ZSCAN20: variants seen among roughly 807,000 people sequenced by gnomAD.
ZSCAN20 encodes the protein zinc finger and SCAN domain containing 20.
ZSCAN20 carries 39 observed loss-of-function variants against 97.1 expected under a neutral mutation model. The observed-to-expected ratio is 0.40, with a 90% CI of 0.31 to 0.52. The LOEUF is 0.52. Among genes scored for constraint, ZSCAN20 ranks in the 20% least tolerant of loss-of-function variants. ZSCAN20 has a pLI of 0.49. For missense variants in ZSCAN20, 1,115 were observed against 1,290.4 expected (o/e 0.86, Z 2.08); for synonymous variants, 456 against 467.3 (o/e 0.98, Z 0.31).
At chr1:33,483,556 G>A (rs1652235566) in intron 2 of ZSCAN20, among the ~76,000 whole-genome samples, 1 of 151,740 alleles carries the variant, frequency 6.6e-6, no homozygotes, top group South Asian at 2.1e-4. Context: ...AACTGCACAT[G>A]GCCAGGTGCA....
At chr1:33,473,173 G>T (rs1024145736) in intron 1 of ZSCAN20, among the ~76,000 whole-genome samples, 1 of 152,094 alleles carries the variant, frequency 6.6e-6, no homozygotes, top group African/African-American at 2.4e-5. Flanking sequence ...TGGCTATTGT[G>T]TTCTGCCCCA....
rs201811528 is a variant in ZSCAN20, at chr1:33,493,310, G to A, written c.1568G>A (p.Arg523Gln). 141 of 1,614,154 alleles carry A rather than the reference G, an allele frequency of 8.7e-5. No homozygotes were observed. In the Admixed American group the frequency reaches 1.1e-3, roughly 12 times the overall value. Residue 523 changes from arginine (R) to glutamine (Q), a missense_variant, in exon 7 of 8, where the codon CGG (arginine) becomes CAG (glutamine). This residue lies in a region of ZSCAN20 where 53 missense variants were observed against 94.3 expected (regional missense o/e 0.56). Transcript: ENST00000684572. This position sits in a 1 kb window ranked among gnomAD's most constrained non-coding sequence, Gnocchi z 4.3. ...CAGGTGTACCGGGCCATTGCAGAGC[G>A]GCTGTGTGCTCTGGGCTTCCTGCGG... ...NSQVYRAIAE[R>Q]LCALGFLRTL...
chr1:33,493,116 T>C lies in ZSCAN20; in HGVS notation c.1445-71T>C. 1 of 1,473,410 alleles carries C rather than the reference T, an allele frequency of 6.8e-7. No homozygotes were observed. The highest frequency in any genetic ancestry group is 9.3e-7 in the Non-Finnish European group (1 of 1,074,296). The allele number at this position is 1,473,410 out of a possible 1,614,324, so 91.3% of individuals were successfully genotyped here. ...TGTTCTAGGTATTTTGAAGGGCAGG[T>C]GACTTTATTCTCTGATGACCTAGGC... On this transcript the variant is annotated intron_variant, in intron 6 of 7. Transcript: ENST00000684572. The surrounding 1 kb of genome is among the most constrained non-coding windows in gnomAD (Gnocchi z 4.3).
Position 33,498,614 on chromosome 1 carries a change from G to A in ZSCAN20, c.*3138G>A, listed in dbSNP as rs1385389994. On this transcript the variant is annotated 3_prime_UTR_variant, in exon 8 of 8. Transcript: ENST00000684572. ...GCTAGCGTGATTCTGCTCTTGGGAA[G>A]TAGATTCACTCTGCAGAATGGGTGG... Among the ~76,000 whole-genome samples the A allele has an allele frequency of 6.6e-6, 1 of 152,226 alleles. No homozygotes were observed. The highest frequency in any genetic ancestry group is 2.4e-5 in the African/African-American group (1 of 41,448).
At chr1:33,490,976 T>C (rs763507578) in intron 5 of ZSCAN20, 49 bp from the exon 6 acceptor site, 2 of 1,505,388 alleles carry the variant, frequency 1.3e-6, no homozygotes, top group South Asian at 1.3e-5. Context: ...TGGACAAACA[T>C]GCCGCTCAAC....
At chr1:33,484,179 ACGT>A (rs1652265513) in intron 2 of ZSCAN20, among the ~76,000 whole-genome samples, 1 of 152,140 alleles carries the variant, frequency 6.6e-6, no homozygotes, top group African/African-American at 2.4e-5. Context: ...TTCCCAATCT[ACGT>A]ACCTTTTGTT....
At chr1:33,484,472 G>A (rs1255306084) in intron 2 of ZSCAN20, among the ~76,000 whole-genome samples, 4 of 152,036 alleles carry the variant, frequency 2.6e-5, no homozygotes, top group Non-Finnish European at 5.9e-5. Flanking sequence ...TTTTTTGCCC[G>A]TTGATGTGAT....
rs185354117 is a variant in ZSCAN20, at chr1:33,501,309, A to G, written c.*5833A>G. ...CTGGAGAAGCACAGGTGTCATCTCC[A>G]GGGACCTTTCTCGACCAACTAATTT... On this transcript the variant is annotated 3_prime_UTR_variant, in exon 8 of 8. Coordinates refer to ENST00000684572, the MANE Select transcript of ZSCAN20 (RefSeq NM_001377376.1). Among the ~76,000 whole-genome samples the G allele has an allele frequency of 3.3e-3, 510 of 152,328 alleles. 1 individual carries two copies. The highest frequency in any genetic ancestry group is 6.5e-3 in the Admixed American group (99 of 15,306).
At position 33,493,465 on chromosome 1, in the gene ZSCAN20, G is replaced by T. The variant is rs1652706870; in HGVS notation, c.1723G>T (p.Val575Phe). The change falls in exon 7 of 8, where the codon GTC (valine) becomes TTC (phenylalanine). Residue 575 changes from valine to phenylalanine, a missense_variant. Val to Phe is a conservative substitution (Grantham distance 50). Coordinates refer to ENST00000684572, the MANE Select transcript of ZSCAN20 (RefSeq NM_001377376.1). This position sits in a 1 kb window ranked among gnomAD's most constrained non-coding sequence, Gnocchi z 4.3. ...CTCGCTGATGAGGGCTCGGGCTGCA[G>T]TCAGGGCCATGGGGACTGTCCGAGA... ...LDSLMRARAA[V>F]RAMGTVREAA... 1.2e-6 allele frequency: 2 copies of T among 1,614,116 alleles called. No homozygotes were observed. The highest frequency in any genetic ancestry group is 8.5e-7 in the Non-Finnish European group (1 of 1,180,060).
In ZSCAN20 at chr1:33,494,606, T is replaced by A. The variant is rs1440507039; in HGVS notation, c.2262T>A (p.Asn754Lys). The change falls in exon 8 of 8, where the codon AAT (asparagine) becomes AAA (lysine). Residue 754 changes from asparagine (N) to lysine (K), a missense_variant. By Grantham distance (94) the Asn-to-Lys change is moderately conservative. Coordinates refer to ENST00000684572, the MANE Select transcript of ZSCAN20 (RefSeq NM_001377376.1). The stretch of plus-strand genomic sequence containing the variant: ...ACTTTAGTGACCGCTCTAACCTCAA[T>A]ACCCATCAGAGAATCCACACTGGAG... ...GKNFSDRSNL[N>K]THQRIHTGEK... The A allele has an allele frequency of 1.2e-6, 2 of 1,613,802 alleles. No homozygotes were observed. Among genetic ancestry groups the A allele is most frequent in the Admixed American group, 3.3e-5 (2 of 60,002 alleles).
intron 2 of ZSCAN20, among the ~76,000 whole-genome samples, chr1:33,487,981 A>C (rs902772845): frequency 6.6e-6 from 1 of 152,098 alleles, no homozygotes; most frequent in Non-Finnish European, 1.5e-5. Flanking sequence ...CCTTTTTAAA[A>C]ATTTTATTTT....
chr1:33,480,804 A>G (rs1418669727), intron 2 of ZSCAN20, among the ~76,000 whole-genome samples: 2 of 152,358 alleles, frequency 1.3e-5, no homozygotes, highest in African/African-American at 4.8e-5. Context: ...TATAATGCAT[A>G]ATTTTGCTAT....
chr1:33,478,768 CTTTGGACATGTG>C (rs1335520165), intron 1 of ZSCAN20, among the ~76,000 whole-genome samples: 1 of 152,020 alleles, frequency 6.6e-6, no homozygotes, highest in Non-Finnish European at 1.5e-5. Flanking sequence ...GAAGGTTGGA[CTTTGGACATGTG>C]TAGAAGGGAG....
At chr1:33,488,726 G>A (rs898488948) in intron 3 of ZSCAN20, 75 bp downstream of exon 3, 3 of 1,489,390 alleles carry the variant, frequency 2.0e-6, no homozygotes, top group Admixed American at 4.5e-5. Flanking sequence ...AAGGGTGCAT[G>A]GGGAAGAAGG....
Position 33,491,531 on chromosome 1 carries a change from G to T in ZSCAN20, c.1273G>T (p.Val425Leu), listed in dbSNP as rs769289470. 2 of 1,613,978 alleles carry T rather than the reference G, an allele frequency of 1.2e-6. No individual in the cohort carries two copies. Among genetic ancestry groups the T allele is most frequent in the African/African-American group, 2.7e-5 (2 of 74,930 alleles). The stretch of plus-strand genomic sequence containing the variant: ...AGCCACAGATGGCCCAGGAGAGGCC[G>T]TGGCACTTCCCAGGCTCGGGTATAG... Reference protein sequence around the residue: ...IRATDGPGEAVALPRLGYSDA... With the variant: ...IRATDGPGEALALPRLGYSDA... Residue 425 changes from valine to leucine, a missense_variant, in exon 6 of 8, where the codon GTG (valine) becomes TTG (leucine). Physicochemically the swap from Val to Leu is conservative, Grantham distance 32 (BLOSUM62 1). Coordinates refer to ENST00000684572, the MANE Select transcript of ZSCAN20 (RefSeq NM_001377376.1). The surrounding 1 kb of genome is among the most constrained non-coding windows in gnomAD (Gnocchi z 4.3).
rs750960711 is a variant in ZSCAN20, at chr1:33,488,504, AC to A, written c.458del (p.Thr153LysfsTer26). Reference protein sequence around the residue: ...LHTEETRPLKTGEEAQSFQLQ... With the variant: ...LHTEETRPLKXGEEAQSFQLQ... ...TACAGAAGAGACCAGGCCCTTAAAG[AC>A]AGGGGAAGAAGCTCAGAGCTTCCAG... On this transcript the variant is annotated frameshift_variant, in exon 3 of 8. Transcript: ENST00000684572. LOFTEE classifies it high-confidence loss of function. 1.2e-6 allele frequency: 2 copies of A among 1,614,146 alleles called. No individual in the cohort carries two copies. Among genetic ancestry groups the A allele is most frequent in the South Asian group, 2.2e-5 (2 of 91,078 alleles).
In ZSCAN20 at chr1:33,495,052, A is replaced by G; in HGVS notation, c.2708A>G (p.Tyr903Cys). 1 of 1,613,090 alleles carries G rather than the reference A, an allele frequency of 6.2e-7. No individual in the cohort carries two copies. Among genetic ancestry groups the G allele is most frequent in the Non-Finnish European group, 8.5e-7 (1 of 1,179,288 alleles). ...AGAATCCATACGGGAGAGAAACCAT[A>G]TGAATGTGCCGAATGTGGGAAAAGC... ...HQRIHTGEKP[Y>C]ECAECGKSFS... The change falls in exon 8 of 8, where the codon TAT (tyrosine) becomes TGT (cysteine). Residue 903 changes from tyrosine (Y) to cysteine (C), a missense_variant. Tyr to Cys is a radical substitution (Grantham distance 194). Around this residue, in one of 3 missense-constraint regions of ZSCAN20, gnomAD observed 554 missense variants for 584.9 expected, o/e 0.95. Coordinates refer to ENST00000684572, the MANE Select transcript of ZSCAN20 (RefSeq NM_001377376.1).
In ZSCAN20 at chr1:33,494,558, C is replaced by T. The variant is rs771508837; in HGVS notation, c.2214C>T (p.Tyr738=). The part of the protein sequence containing the change: ...HQRIHTGEKP[Y]KCLECGKNFS... ...GAATCCACACAGGTGAGAAGCCCTA[C>T]AAATGCCTTGAATGTGGAAAAAACT... The change falls in exon 8 of 8, where the codon TAC becomes TAT. Residue 738 remains tyrosine (Y), a synonymous_variant. Coordinates refer to ENST00000684572, the MANE Select transcript of ZSCAN20 (RefSeq NM_001377376.1). The T allele has an allele frequency of 1.2e-6, 2 of 1,614,018 alleles. No homozygotes were observed. The highest frequency in any genetic ancestry group is 1.7e-5 in the Admixed American group (1 of 60,028).
intron 2 of ZSCAN20, among the ~76,000 whole-genome samples, chr1:33,486,212 T>C (rs1652359984): frequency 6.6e-6 from 1 of 152,240 alleles, no homozygotes; most frequent in South Asian, 2.1e-4. Flanking sequence ...TGTGAGGGTC[T>C]GGTTGAGCTC....
Sources: gnomAD v4.1 joint callset for allele counts (sites outside exome capture counted in the v4.1 genomes callset) on GRCh38, gnomAD v4.1.1 for gene constraint, gnomAD v4.1.1 regional missense constraint, Gnocchi (gnomAD v3.1) non-coding constraint, MANE v1.5 for transcripts, NCBI Gene and HGNC (gene_info 2026-07-23, HGNC 2026-07-21) for gene names.